The following ADAMTS20 variants were observed in gnomAD, a reference collection of about 807,000 sequenced individuals.
ADAMTS20 encodes ADAM metallopeptidase with thrombospondin type 1 motif 20.
Under a neutral mutation model 260.1 loss-of-function variants are expected in ADAMTS20, and 225 were observed. The observed-to-expected ratio is 0.87, with a 90% confidence interval of 0.78 to 0.97. The LOEUF is 0.97. Among genes scored for constraint, ADAMTS20 ranks in the 50% least tolerant of loss-of-function variants. ADAMTS20 has a pLI of 0.00. For synonymous variants in ADAMTS20, 802 were observed against 769.5 expected (o/e 1.04, Z -0.70); for missense variants, 2,400 against 2,337.7 (o/e 1.03, Z -0.55).
chr12:43,425,885 CT>C (rs34075392), intron 27 of ADAMTS20, among the ~76,000 whole-genome samples, 195 bp from the exon 28 acceptor site: 3,701 of 152,026 alleles, frequency 0.024, 72 homozygotes, highest in East Asian at 0.079. Flanking sequence ...ACATTTCCCC[CT>C]AGACAAAAAA....
At chr12:43,449,307 G>C (rs1344672787) in intron 14 of ADAMTS20, among the ~76,000 whole-genome samples, 1 of 152,058 alleles carries the variant, frequency 6.6e-6, no homozygotes, top group African/African-American at 2.4e-5. Flanking sequence ...TGCAGCCATA[G>C]AAAAGAATAA....
chr12:43,520,035 C>A (rs540022448), intron 3 of ADAMTS20, among the ~76,000 whole-genome samples: 1 of 152,142 alleles, frequency 6.6e-6, no homozygotes, highest in Admixed American at 6.6e-5. Context: ...AGTTCTTGTT[C>A]TTTTACCACA....
intron 7 of ADAMTS20, among the ~76,000 whole-genome samples, chr12:43,479,989 A>G (rs999215000): frequency 6.6e-6 from 1 of 152,192 alleles, no homozygotes; most frequent in Non-Finnish European, 1.5e-5. Flanking sequence ...GCTTAAAACA[A>G]TAAGAAAATG....
At chr12:43,461,323 C>T (rs1385781311) in intron 11 of ADAMTS20, among the ~76,000 whole-genome samples, 1 of 151,764 alleles carries the variant, frequency 6.6e-6, no homozygotes, top group South Asian at 2.1e-4. Flanking sequence ...TAGAAATGTT[C>T]TCATTTTTAT....
intron 16 of ADAMTS20, among the ~76,000 whole-genome samples, chr12:43,442,498 T>C (rs1941685820): frequency 6.6e-6 from 1 of 152,142 alleles, no homozygotes; most frequent in African/African-American, 2.4e-5. Context: ...CCTCAGATGA[T>C]CCACCTGCCT....
intron 3 of ADAMTS20, among the ~76,000 whole-genome samples, chr12:43,510,762 T>C (rs891319183): frequency 4.6e-5 from 7 of 152,034 alleles, no homozygotes; most frequent in Admixed American, 6.6e-5. Flanking sequence ...ATTACAAACA[T>C]TGAATATCTC....
intron 28 of ADAMTS20, among the ~76,000 whole-genome samples, chr12:43,418,051 CT>C (rs1941164511): frequency 6.6e-6 from 1 of 152,152 alleles, no homozygotes; most frequent in African/African-American, 2.4e-5. Flanking sequence ...AGCACACAGA[CT>C]TTTGCTGGTT....
intron 14 of ADAMTS20, among the ~76,000 whole-genome samples, chr12:43,451,518 C>G (rs1158172941): frequency 1.3e-5 from 2 of 152,052 alleles, no homozygotes; most frequent in East Asian, 3.8e-4. Flanking sequence ...TGACAACCAT[C>G]TGCTAGTCCC....
At position 43,365,662 on chromosome 12, in the gene ADAMTS20, C is replaced by A. The variant is rs12579048; in HGVS notation, c.5538+3628G>T. 7.3e-3 allele frequency among the ~76,000 whole-genome samples: 1,108 copies of A among 151,962 alleles called. 35 individuals are homozygous for A. The East Asian group carries it at 0.11, about 15-fold the overall frequency. ...ATCTTCTCTCATATTATCTAAAAGACATAAAATTATTTAAGTTAATATAAT... is the reference window on the plus strand; with the variant it reads ...ATCTTCTCTCATATTATCTAAAAGAAATAAAATTATTTAAGTTAATATAAT... On this transcript the variant is annotated intron_variant, in intron 37 of 38. Coordinates refer to ENST00000389420, the MANE Select transcript of ADAMTS20 (RefSeq NM_025003.5).
intron 15 of ADAMTS20, among the ~76,000 whole-genome samples, chr12:43,445,904 G>T (rs1331243194): frequency 6.6e-6 from 1 of 151,912 alleles, no homozygotes; most frequent in Non-Finnish European, 1.5e-5. Context: ...AATTTGCAAA[G>T]AAAGTTTTAA....
At chr12:43,468,803 T>G (rs547749623) in intron 7 of ADAMTS20, 98 bp from the exon 8 acceptor site, 2 of 661,794 alleles carry the variant, frequency 3.0e-6, no homozygotes, top group South Asian at 4.0e-5. Flanking sequence ...TGTTATTACT[T>G]AGAAAAGAAT....
intron 37 of ADAMTS20, among the ~76,000 whole-genome samples, chr12:43,365,462 G>C (rs1565666278): frequency 6.6e-6 from 1 of 151,876 alleles, no homozygotes; most frequent in East Asian, 1.9e-4. Context: ...GTAATATATA[G>C]ACATGTAATA....
intron 27 of ADAMTS20, among the ~76,000 whole-genome samples, chr12:43,426,976 A>G (rs564824205): frequency 1.3e-5 from 2 of 152,252 alleles, no homozygotes; most frequent in East Asian, 3.9e-4. Flanking sequence ...GTTTGAGACC[A>G]GCCTGGTCAA....
chr12:43,401,710 A>G (rs533442089), intron 28 of ADAMTS20, among the ~76,000 whole-genome samples: 1 of 147,652 alleles, frequency 6.8e-6, no homozygotes, highest in Non-Finnish European at 1.5e-5. Context: ...ATCAATCTTT[A>G]TATTTTATAA....
rs377620941 is a variant in ADAMTS20 at position 43,439,610 on chromosome 12, A to C, written c.2593+12T>G. On this transcript the variant is annotated intron_variant, in intron 18 of 38. Transcript: ENST00000389420. The stretch of plus-strand genomic sequence containing the variant: ...CAGTCAGTCTTTTCTCCCTTATTGA[A>C]TGCCAGCGTACCTTGACACATTTTG... 6.3e-7 allele frequency: 1 copy of C among 1,593,904 alleles called. No homozygotes were observed. Among genetic ancestry groups the C allele is most frequent in the African/African-American group, 1.4e-5 (1 of 73,926 alleles).
rs1025670722 is a variant in ADAMTS20 at position 43,422,058 on chromosome 12, C to T, written c.4284+3456G>A. ...CAAAGCCACAATACCCACTAATAAA[C>T]GGGTTAAAATACAATCATTTCACGC... On this transcript the variant is annotated intron_variant, in intron 28 of 38. Coordinates refer to ENST00000389420, the MANE Select transcript of ADAMTS20 (RefSeq NM_025003.5). Among the ~76,000 whole-genome samples the T allele has an allele frequency of 9.2e-5, 14 of 152,002 alleles. No individual in the cohort carries two copies. The East Asian group carries it at 9.6e-4, about 10-fold the overall frequency.
intron 31 of ADAMTS20, 63 bp downstream of exon 31, chr12:43,383,495 A>G (rs897452366): frequency 6.7e-7 from 1 of 1,492,686 alleles, no homozygotes; most frequent in Non-Finnish European, 9.0e-7. Flanking sequence ...CAGCTGTGTC[A>G]AATTGTAGAT....
rs1410899520 is a variant in ADAMTS20, at chr12:43,405,229, C to CCAAAAAAAAAAAAAAAA, written c.4285-5997_4285-5996insTTTTTTTTTTTTTTTTG. Among the ~76,000 whole-genome samples the CCAAAAAAAAAAAAAAAA allele has an allele frequency of 1.3e-4, 7 of 52,790 alleles. 1 individual carries two copies. Among genetic ancestry groups the CCAAAAAAAAAAAAAAAA allele is most frequent in the Non-Finnish European group, 1.6e-4 (5 of 31,172 alleles). The allele number at this position is 52,790 out of a possible 152,430, so 34.6% of individuals were successfully genotyped here. The stretch of plus-strand genomic sequence containing the variant: ...GTAACAAAATGAGACCTCATCTCTA[C>CCAAAAAAAAAAAAAAAA]AAAAAAAAAAAAAAAAAAAAAAAAA... On this transcript the variant is annotated intron_variant, in intron 28 of 38. Transcript: ENST00000389420.
intron 3 of ADAMTS20, among the ~76,000 whole-genome samples, chr12:43,518,817 G>GAAAAA (rs34834714): frequency 8.9e-6 from 1 of 111,996 alleles, no homozygotes. Flanking sequence ...ACTGGCTCAG[G>GAAAAA]AAAAAAAAAA....
Sources: gnomAD v4.1 joint callset for allele counts (sites outside exome capture counted in the v4.1 genomes callset) on GRCh38, gnomAD v4.1.1 for gene constraint, MANE v1.5 for transcripts, NCBI Gene and HGNC (gene_info 2026-07-23, HGNC 2026-07-21) for gene names.